HECW2: variants seen among roughly 807,000 people sequenced by gnomAD.
HECW2 encodes E3 ubiquitin-protein ligase HECW2.
Under a neutral mutation model 175.2 loss-of-function variants are expected in HECW2, and 61 were observed. That is an observed-to-expected ratio of 0.35 (90% confidence interval 0.28 to 0.43). The LOEUF (loss-of-function observed/expected upper bound fraction) is 0.43, where lower values mean the gene tolerates loss of function less well. Among genes scored for constraint, HECW2 ranks in the 20% least tolerant of loss-of-function variants. HECW2 has a pLI of 1.00. For missense variants in HECW2, 1,524 were observed against 2,000.5 expected (o/e 0.76, Z 4.54); for synonymous variants, 671 against 731.0 (o/e 0.92, Z 1.32).
intron 2 of HECW2, among the ~76,000 whole-genome samples, chr2:196,387,647 A>G (rs1694387485): frequency 6.6e-6 from 1 of 152,188 alleles, no homozygotes. Flanking sequence ...TGTCTTATTA[A>G]AAACATACTC....
intron 17 of HECW2, among the ~76,000 whole-genome samples, chr2:196,259,688 C>T (rs867618880): frequency 6.6e-6 from 1 of 152,092 alleles, no homozygotes; most frequent in African/African-American, 2.4e-5. Flanking sequence ...GAACATTTTC[C>T]CTCAAGTTTT....
intron 2 of HECW2, among the ~76,000 whole-genome samples, chr2:196,406,806 T>A (rs1694977593): frequency 6.6e-6 from 1 of 152,212 alleles, no homozygotes; most frequent in Admixed American, 6.5e-5. Flanking sequence ...GCAATGCTTG[T>A]TCCTTCTTGT....
chr2:196,574,179 C>A (rs2125518402), intron 1 of HECW2, among the ~76,000 whole-genome samples: 1 of 152,272 alleles, frequency 6.6e-6, no homozygotes, highest in African/African-American at 2.4e-5. Flanking sequence ...TCTGTAATCC[C>A]AGCACTTTGG....
At chr2:196,310,664 T>C (rs1459210580) in intron 10 of HECW2, among the ~76,000 whole-genome samples, 1 of 152,180 alleles carries the variant, frequency 6.6e-6, no homozygotes. Flanking sequence ...TAAAATGAGA[T>C]AGGCAGAGTT....
chr2:196,582,430 T>C (rs1690822863), intron 1 of HECW2, among the ~76,000 whole-genome samples: 1 of 152,214 alleles, frequency 6.6e-6, no homozygotes, highest in Non-Finnish European at 1.5e-5. Context: ...TTTCTGTATC[T>C]CCTTGCCCTT....
intron 1 of HECW2, among the ~76,000 whole-genome samples, chr2:196,449,840 TA>T (rs1176634013): frequency 4.0e-5 from 6 of 151,466 alleles, no homozygotes; most frequent in South Asian, 2.1e-4. Context: ...CATTTTTTTT[TA>T]AATTTATAGA....
chr2:196,433,270 G>A lies in HECW2; in HGVS notation c.154C>T (p.Leu52=), dbSNP rs1695769739. The part of the protein sequence containing the change: ...TLQRANSDTD[L]VTSESRSSLT... ...CTGGAGCGGCTCTCAGAAGTCACCA[G>A]GTCGGTGTCGCTGTTGGCCCGCTGC... The change falls in exon 2 of 29, where the codon CTG becomes TTG. Residue 52 remains leucine, a synonymous_variant. Transcript: ENST00000644978. 1 of 1,614,194 alleles carries A rather than the reference G, an allele frequency of 6.2e-7. No homozygotes were observed.
rs975099178 is a variant in HECW2 at position 196,451,615 on chromosome 2, G to C, written c.-35-18157C>G. Among the ~76,000 whole-genome samples, 14 of 152,026 alleles carry C rather than the reference G, an allele frequency of 9.2e-5. 1 individual carries two copies. Among genetic ancestry groups the C allele is most frequent in the Admixed American group, 8.5e-4 (13 of 15,246 alleles). On this transcript the variant is annotated intron_variant, in intron 1 of 28. Coordinates refer to ENST00000644978, the MANE Select transcript of HECW2 (RefSeq NM_001348768.2). ...ATAAGATAAACAGAAATGATTTCCTGATGGTTGGGCGCAGTGGCTCATGCC... is the reference window on the plus strand; with the variant it reads ...ATAAGATAAACAGAAATGATTTCCTCATGGTTGGGCGCAGTGGCTCATGCC...
In HECW2 at chr2:196,261,703, A is replaced by C. The variant is rs146840013; in HGVS notation, c.3336-3797T>G. On this transcript the variant is annotated intron_variant, in intron 17 of 28. Transcript: ENST00000644978. Reference sequence around the variant, plus strand: ...AATAGCATTAATTCAAATGTTATTGATTTTTTCTAGTTTTTAACTTAATTT... The same window carrying C: ...AATAGCATTAATTCAAATGTTATTGCTTTTTTCTAGTTTTTAACTTAATTT... 5.4e-3 allele frequency among the ~76,000 whole-genome samples: 825 copies of C among 152,254 alleles called. 6 individuals carry two copies. Among genetic ancestry groups the C allele is most frequent in the Non-Finnish European group, 0.01 (683 of 67,994 alleles).
At chr2:196,295,150 T>C (rs1319431549) in intron 13 of HECW2, among the ~76,000 whole-genome samples, 1 of 152,148 alleles carries the variant, frequency 6.6e-6, no homozygotes, top group African/African-American at 2.4e-5. Context: ...TTGATGGCTG[T>C]GAGCAGTTGT....
chr2:196,484,342 C>T (rs1686935176), intron 1 of HECW2, among the ~76,000 whole-genome samples: 1 of 152,206 alleles, frequency 6.6e-6, no homozygotes, highest in African/African-American at 2.4e-5. Flanking sequence ...CTTCCATATA[C>T]TGCACACTCA....
chr2:196,240,509 C>T lies in HECW2; in HGVS notation c.3704G>A (p.Gly1235Asp), dbSNP rs142674505. Residue 1235 changes from glycine (G) to aspartate (D), a missense_variant, in exon 21 of 29, where the codon GGC (glycine) becomes GAC (aspartate). Gly to Asp is a moderately conservative substitution (Grantham distance 94, BLOSUM62 -1). Coordinates refer to ENST00000644978, the MANE Select transcript of HECW2 (RefSeq NM_001348768.2). ...LLEDAFNQIM[G>D]YSRKDLQRNK... ...TCTCTGCAGGTCTTTTCTGGAGTAG[C>T]CCATAATCTGATTAAAAGCATCTTC... 6.2e-7 allele frequency: 1 copy of T among 1,612,146 alleles called. No homozygotes were observed. Among genetic ancestry groups the T allele is most frequent in the Non-Finnish European group, 8.5e-7 (1 of 1,179,382 alleles).
chr2:196,518,990 T>C (rs865995344), intron 1 of HECW2, among the ~76,000 whole-genome samples: 1 of 152,214 alleles, frequency 6.6e-6, no homozygotes, highest in Middle Eastern at 3.2e-3. Flanking sequence ...GCTTAACAAT[T>C]ACAGTTCAAT....
intron 4 of HECW2, among the ~76,000 whole-genome samples, chr2:196,330,941 A>T (rs368221449): frequency 2.0e-5 from 3 of 151,752 alleles, no homozygotes; most frequent in African/African-American, 7.3e-5. Context: ...TTTTTTTTTT[A>T]AACTCTTTCT....
intron 21 of HECW2, among the ~76,000 whole-genome samples, chr2:196,230,871 AG>A (rs1487007900): frequency 6.6e-6 from 1 of 152,170 alleles, no homozygotes; most frequent in African/African-American, 2.4e-5. Flanking sequence ...TGGGAAGCTG[AG>A]GCAGGCGGAT....
At chr2:196,402,182 C>T (rs760228551) in intron 2 of HECW2, among the ~76,000 whole-genome samples, 28 of 107,348 alleles carry the variant, frequency 2.6e-4, no homozygotes, top group Middle Eastern at 0.022. Flanking sequence ...GCCTGGGCAA[C>T]AGAGTGAGAC....
chr2:196,374,508 A>G (rs1048871015), intron 2 of HECW2, among the ~76,000 whole-genome samples: 1 of 152,234 alleles, frequency 6.6e-6, no homozygotes, highest in African/African-American at 2.4e-5. Context: ...TCACAGACAA[A>G]TACAGAAACA....
chr2:196,237,522 C>T (rs781614116), intron 21 of HECW2, among the ~76,000 whole-genome samples: 2 of 152,126 alleles, frequency 1.3e-5, no homozygotes, highest in Non-Finnish European at 2.9e-5. Context: ...GTCATTATTT[C>T]GTTCCTTTTT....
chr2:196,221,862 C>G (rs1410429600), intron 24 of HECW2, among the ~76,000 whole-genome samples: 1 of 152,118 alleles, frequency 6.6e-6, no homozygotes, highest in Admixed American at 6.5e-5. Flanking sequence ...GCCCAGCCAC[C>G]ATTCTATAAA....
Sources: allele counts gnomAD v4.1 joint callset (sites outside exome capture counted in the v4.1 genomes callset), GRCh38; gene constraint gnomAD v4.1.1; transcripts MANE v1.5; gene names NCBI Gene and HGNC (gene_info 2026-07-23, HGNC 2026-07-21).